The following PPM1L variants were observed in gnomAD, a reference collection of about 807,000 sequenced individuals.
The protein encoded by PPM1L is protein phosphatase, Mg2+/Mn2+ dependent 1L.
Under a neutral mutation model 31.4 loss-of-function variants are expected in PPM1L, and 13 were observed. The observed-to-expected ratio is 0.41, with a 90% CI of 0.27 to 0.66. The LOEUF (loss-of-function observed/expected upper bound fraction) is 0.66, where lower values mean the gene tolerates loss of function less well. Ranked by LOEUF, PPM1L falls within the 30% of genes least tolerant of loss-of-function variation. The pLI is 0.29. For missense variants in PPM1L, 326 were observed against 453.7 expected, an observed-to-expected ratio of 0.72 and a Z score of 2.56; for synonymous variants, 184 against 175.4, an observed-to-expected ratio of 1.05 and a Z score of -0.39.
At chr3:160,785,837 T>G (rs1409659213) in intron 1 of PPM1L, among the ~76,000 whole-genome samples, 3 of 151,786 alleles carry the variant, frequency 2.0e-5, no homozygotes, top group East Asian at 1.9e-4. Flanking sequence ...GCACTGTTTT[T>G]TTTTTTTTTT....
chr3:160,793,321 C>CAGAA (rs1234494516), intron 1 of PPM1L, among the ~76,000 whole-genome samples: 1 of 152,132 alleles, frequency 6.6e-6, no homozygotes, highest in African/African-American at 2.4e-5. Flanking sequence ...AAAATAGAAT[C>CAGAA]ATGGAGTTGG....
At chr3:161,055,687 AGT>A (rs997896210) in intron 2 of PPM1L, among the ~76,000 whole-genome samples, 1 of 151,948 alleles carries the variant, frequency 6.6e-6, no homozygotes, top group African/African-American at 2.4e-5. Flanking sequence ...AAATCCTTGA[AGT>A]GTGTGTGTGC....
Position 160,977,668 on chromosome 3 carries a change from TATA to T in PPM1L, c.574+15767_574+15769del, listed in dbSNP as rs541297759. The stretch of plus-strand genomic sequence containing the variant: ...CCCTAAAAGTTTGATTTGCCATTCT[TATA>T]ATAATAATGTTACAATAAAAATAGA... On this transcript the variant is annotated intron_variant, in intron 2 of 3. Coordinates refer to ENST00000498165, the MANE Select transcript of PPM1L (RefSeq NM_139245.4). Among the ~76,000 whole-genome samples the T allele has an allele frequency of 1.5e-3, 236 of 152,266 alleles. 1 individual carries two copies. Among genetic ancestry groups the T allele is most frequent in the South Asian group, 8.3e-3 (40 of 4,826 alleles).
At chr3:161,039,572 G>A (rs28444697) in intron 2 of PPM1L, among the ~76,000 whole-genome samples, 11,373 of 152,148 alleles carry the variant, frequency 0.075, 594 homozygotes, top group East Asian at 0.21. Context: ...GCCCAGGCTG[G>A]AGTGCAGGGG....
intron 1 of PPM1L, among the ~76,000 whole-genome samples, chr3:160,958,323 T>C (rs889176412): frequency 1.3e-5 from 2 of 152,308 alleles, no homozygotes; most frequent in East Asian, 3.9e-4. Context: ...CCATCTCGAG[T>C]TAATTTTTGT....
chr3:161,043,993 G>C (rs998623740), intron 2 of PPM1L, among the ~76,000 whole-genome samples: 2 of 152,082 alleles, frequency 1.3e-5, no homozygotes, highest in Non-Finnish European at 2.9e-5. Flanking sequence ...TACCTCATTT[G>C]TATGCTGTAC....
In PPM1L at chr3:161,070,573, G is replaced by A. The variant is rs1216398909; in HGVS notation, c.*1416G>A. On this transcript the variant is annotated 3_prime_UTR_variant, in exon 4 of 4. Coordinates refer to ENST00000498165, the MANE Select transcript of PPM1L (RefSeq NM_139245.4). Reference sequence around the variant, plus strand: ...GCTAATTTATCATTTTTCCAACCTTGGTATTTTATATTATTTAGAGAAAAT... The same window carrying A: ...GCTAATTTATCATTTTTCCAACCTTAGTATTTTATATTATTTAGAGAAAAT... The A allele has an allele frequency of 6.6e-6, 1 of 152,064 alleles. No homozygotes were observed. The highest frequency in any genetic ancestry group is 1.5e-5 in the Non-Finnish European group (1 of 68,020). The allele number at this position is 152,064 out of a possible 1,614,324, so 9.4% of individuals were successfully genotyped here. A position where few individuals can be genotyped will look rare whatever the true frequency, so the allele number is the denominator to read the frequency against.
chr3:160,871,133 T>C (rs78152926), intron 1 of PPM1L, among the ~76,000 whole-genome samples: 1,906 of 152,300 alleles, frequency 0.013, 38 homozygotes, highest in African/African-American at 0.044. Context: ...TATATATAAA[T>C]GTCAAGGCTT....
At chr3:160,988,218 G>A (rs1717027965) in intron 2 of PPM1L, among the ~76,000 whole-genome samples, 1 of 152,166 alleles carries the variant, frequency 6.6e-6, no homozygotes, top group Non-Finnish European at 1.5e-5. Context: ...TCAAGAGCAT[G>A]ACGTTTACGT....
At chr3:160,802,984 A>C (rs1221977353) in intron 1 of PPM1L, among the ~76,000 whole-genome samples, 1 of 152,202 alleles carries the variant, frequency 6.6e-6, no homozygotes, top group Admixed American at 6.5e-5. Flanking sequence ...CCCTTCATGG[A>C]TTAACTTCAA....
intron 1 of PPM1L, among the ~76,000 whole-genome samples, chr3:160,909,640 A>C (rs1713886059): frequency 6.6e-6 from 1 of 152,210 alleles, no homozygotes; most frequent in African/African-American, 2.4e-5. Context: ...AAAAAGGACC[A>C]AACAGAGAAC....
intron 1 of PPM1L, among the ~76,000 whole-genome samples, chr3:160,918,375 T>C (rs1714265399): frequency 6.6e-6 from 1 of 152,260 alleles, no homozygotes; most frequent in Admixed American, 6.5e-5. Flanking sequence ...AACCAAGATT[T>C]GTCTGCACAG....
chr3:160,847,486 A>G (rs542552310), intron 1 of PPM1L, among the ~76,000 whole-genome samples: 129 of 152,326 alleles, frequency 8.5e-4, no homozygotes, highest in African/African-American at 2.9e-3. Context: ...GGAATGCAAG[A>G]CTTCAAATAA....
chr3:160,842,117 C>G (rs1713900410), intron 1 of PPM1L: 8 of 613,724 alleles, frequency 1.3e-5, no homozygotes, highest in Non-Finnish European at 2.0e-5. Flanking sequence ...ATAACCAATA[C>G]AGGGTTTCAG....
At chr3:160,961,225 A>T (rs1022444645) in intron 1 of PPM1L, among the ~76,000 whole-genome samples, 1 of 152,142 alleles carries the variant, frequency 6.6e-6, no homozygotes, top group Non-Finnish European at 1.5e-5. Flanking sequence ...TGTTTATCCC[A>T]TTATTTCATT....
chr3:161,005,520 C>T (rs1717675227), intron 2 of PPM1L, among the ~76,000 whole-genome samples: 2 of 152,060 alleles, frequency 1.3e-5, no homozygotes, highest in Non-Finnish European at 2.9e-5. Flanking sequence ...TGATAAGGTA[C>T]CACAGCATAA....
rs1716583436 is a variant in PPM1L, at chr3:160,976,526, CTA to C, written c.574+14618_574+14619del. Among the ~76,000 whole-genome samples, 8 of 150,116 alleles carry C rather than the reference CTA, an allele frequency of 5.3e-5. No homozygotes were observed. In the East Asian group the frequency reaches 1.6e-3, roughly 30 times the overall value. Reference sequence around the variant, plus strand: ...TCCTGGACTCCTTTTGGTTGGTAAGCTATTGATTATTGCCACAATTTCAGGTC... The same window carrying C: ...TCCTGGACTCCTTTTGGTTGGTAAGCTTGATTATTGCCACAATTTCAGGTC... On this transcript the variant is annotated intron_variant, in intron 2 of 3. Coordinates refer to ENST00000498165, the MANE Select transcript of PPM1L (RefSeq NM_139245.4).
rs1391843424 is a variant in PPM1L, at chr3:161,070,678, T to C, written c.*1521T>C. On this transcript the variant is annotated 3_prime_UTR_variant, in exon 4 of 4. Coordinates refer to ENST00000498165, the MANE Select transcript of PPM1L (RefSeq NM_139245.4). ...TGCCTCCCAGCCCTCTGTATCCACC[T>C]GGTTTTGTTCTTTCCCTGTGAGCAT... The C allele has an allele frequency of 6.6e-6, 1 of 152,200 alleles. No individual in the cohort carries two copies. The highest frequency in any genetic ancestry group is 6.5e-5 in the Admixed American group (1 of 15,278). The allele number at this position is 152,200 out of a possible 1,614,324, so 9.4% of individuals were successfully genotyped here.
At chr3:160,770,433 AC>A (rs1576629889) in intron 1 of PPM1L, among the ~76,000 whole-genome samples, 1 of 152,176 alleles carries the variant, frequency 6.6e-6, no homozygotes, top group East Asian at 1.9e-4. Context: ...AAAGATGAAA[AC>A]CTGTAGAAAG....
Sources: gnomAD v4.1 joint callset for allele counts (sites outside exome capture counted in the v4.1 genomes callset) on GRCh38, gnomAD v4.1.1 for gene constraint, MANE v1.5 for transcripts, NCBI Gene and HGNC (gene_info 2026-07-23, HGNC 2026-07-21) for gene names.